Variants in FAM161B observed in about 807,000 individuals in gnomAD.
The protein encoded by FAM161B is protein FAM161B.
FAM161B carries 46 observed loss-of-function variants against 61.5 expected under a neutral mutation model. The observed-to-expected ratio is 0.75, with a 90% CI of 0.59 to 0.96. The LOEUF is 0.96. FAM161B is among the 40% of genes least tolerant of loss of function. FAM161B has a pLI of 0.00. For missense variants in FAM161B, 774 were observed against 800.7 expected (o/e 0.97, Z 0.40); for synonymous variants, 284 against 302.7 (o/e 0.94, Z 0.64).
chr14:73,949,703 CTCTT>C, intron 1 of FAM161B, among the ~76,000 whole-genome samples: 1 of 55,872 alleles, frequency 1.8e-5, no homozygotes, highest in Non-Finnish European at 5.4e-5. Context: ...CCTCAGTTTT[CTCTT>C]CTACAAAAAT....
chr14:73,938,242 T>C, intron 5 of FAM161B, 130 bp from the exon 6 acceptor site: 1 of 1,012,200 alleles, frequency 9.9e-7, no homozygotes, highest in Non-Finnish European at 1.4e-6. Flanking sequence ...GTGGATCACC[T>C]GAGGTCAGGA....
At chr14:73,945,803 G>A (rs544146638) in intron 2 of FAM161B, among the ~76,000 whole-genome samples, 8 of 152,006 alleles carry the variant, frequency 5.3e-5, no homozygotes, top group Admixed American at 1.3e-4. Context: ...GTGCAGTGGC[G>A]TGATCTCAGC....
chr14:73,931,401 T>G (rs2055912637), downstream of FAM161B: 40 of 970,892 alleles, frequency 4.1e-5, 1 homozygote, highest in South Asian at 5.7e-4. Context: ...TTCACCCCTG[T>G]AGTGCATTCT....
chr14:73,945,678 C>G (rs942779083), intron 2 of FAM161B, among the ~76,000 whole-genome samples: 1 of 151,686 alleles, frequency 6.6e-6, no homozygotes, highest in South Asian at 2.1e-4. Flanking sequence ...ATCCAGCCAC[C>G]TCGGCTTCCC....
rs1300985864 is a variant in FAM161B at position 73,933,015 on chromosome 14, C to T, written c.*1241G>A. 6.5e-6 allele frequency: 1 copy of T among 154,420 alleles called. No homozygotes were observed. Among genetic ancestry groups the T allele is most frequent in the Non-Finnish European group, 1.4e-5 (1 of 69,468 alleles). The allele number at this position is 154,420 out of a possible 1,614,324, so 9.6% of individuals were successfully genotyped here. A position where few individuals can be genotyped will look rare whatever the true frequency, so the allele number is the denominator to read the frequency against. On this transcript the variant is annotated 3_prime_UTR_variant, in exon 9 of 9. Transcript: ENST00000286544. ...GGTTGTCTGGGAAATTTTAAGTTTACTTAAAATGAACCTCATGCTCACATA... is the reference window on the plus strand; with the variant it reads ...GGTTGTCTGGGAAATTTTAAGTTTATTTAAAATGAACCTCATGCTCACATA...
At chr14:73,934,603 A>ATTTTT (rs778237371) in intron 8 of FAM161B, among the ~76,000 whole-genome samples, 2 of 141,336 alleles carry the variant, frequency 1.4e-5, no homozygotes, top group Admixed American at 1.4e-4. Context: ...CACCCAGCTA[A>ATTTTT]TTTTTTTTTT....
At chr14:73,944,200 A>T in intron 3 of FAM161B, 135 bp downstream of exon 3, 1 of 1,361,238 alleles carries the variant, frequency 7.3e-7, no homozygotes, top group Non-Finnish European at 1.0e-6. Flanking sequence ...GGCCTGCACT[A>T]AGCGTGCAGC....
chr14:73,923,663 C>A, the FAM161B span: 1 of 1,168,882 alleles, frequency 8.6e-7, no homozygotes, highest in Non-Finnish European at 1.2e-6. Context: ...AGCATGAGTT[C>A]AGCTTGAAAG....
intron 8 of FAM161B, among the ~76,000 whole-genome samples, chr14:73,935,070 A>AG (rs2055959807): frequency 6.7e-6 from 1 of 150,118 alleles, no homozygotes. Context: ...TCAAAAAAAA[A>AG]AGTCTCAACA....
chr14:73,937,680 C>T lies in FAM161B; in HGVS notation c.1587G>A (p.Ala529=), dbSNP rs140643345. Residue 529 remains alanine (A), a synonymous_variant, in exon 7 of 9, where the codon GCG becomes GCA. Coordinates refer to ENST00000286544, the MANE Select transcript of FAM161B (RefSeq NM_152445.3). ...CCTCCAGTTCTTTCTTATATTCTTT[C>T]GCTCTTTTACGGTCATTGTTCCTGG... The part of the protein sequence containing the change: ...KENRNNDRKR[A]KEYKKELEEM... The T allele has an allele frequency of 3.0e-5, 48 of 1,613,890 alleles. No homozygotes were observed. The highest frequency in any genetic ancestry group is 2.3e-4 in the African/African-American group (17 of 74,884).
At chr14:73,926,142 T>TCA in the FAM161B span, among the ~76,000 whole-genome samples, 1 of 152,232 alleles carries the variant, frequency 6.6e-6, no homozygotes, top group Non-Finnish European at 1.5e-5. Flanking sequence ...TGTAGGCATG[T>TCA]CATTTCTTCT....
chr14:73,930,062 A>G (rs2055889016), downstream of FAM161B, among the ~76,000 whole-genome samples: 1 of 152,204 alleles, frequency 6.6e-6, no homozygotes, highest in South Asian at 2.1e-4. Flanking sequence ...GAACCAGTAT[A>G]AGAGATTCCC....
chr14:73,946,361 T>A lies in FAM161B; in HGVS notation c.299A>T (p.Asp100Val), dbSNP rs2056066563. 1 of 1,614,042 alleles carries A rather than the reference T, an allele frequency of 6.2e-7. No homozygotes were observed. Among genetic ancestry groups the A allele is most frequent in the Admixed American group, 1.7e-5 (1 of 59,998 alleles). Residue 100 changes from aspartate (D) to valine (V), a missense_variant, in exon 2 of 9, where the codon GAT becomes GTT. Coordinates refer to ENST00000286544, the MANE Select transcript of FAM161B (RefSeq NM_152445.3). The part of the protein sequence containing the change: ...DPESDENLSE[D>V]EEDLESFFQD... ...GAAGAAACTCTCCAGGTCCTCCTCATCTTCAGAGAGGTTTTCATCACTCTC... is the reference window on the plus strand; with the variant it reads ...GAAGAAACTCTCCAGGTCCTCCTCAACTTCAGAGAGGTTTTCATCACTCTC...
the FAM161B span, chr14:73,922,987 G>A: frequency 6.5e-6 from 1 of 152,926 alleles, no homozygotes; most frequent in African/African-American, 2.4e-5. Context: ...TGATCCCACT[G>A]ATGAACATTT....
At position 73,944,687 on chromosome 14, in the gene FAM161B, T is replaced by G. The variant is rs761789856; in HGVS notation, c.573A>C (p.Ser191=). The change falls in exon 3 of 9, where the codon TCA becomes TCC. Residue 191 remains serine, a synonymous_variant. Coordinates refer to ENST00000286544, the MANE Select transcript of FAM161B (RefSeq NM_152445.3). Reference sequence around the variant, plus strand: ...GCCTCTCCTGCTCAAAGGAGGCAGGTGAGCCCAGCCACTCGGCCTTCTTCC... The same window carrying G: ...GCCTCTCCTGCTCAAAGGAGGCAGGGGAGCCCAGCCACTCGGCCTTCTTCC... ...EARKKAEWLG[S]PASFEQERQR... is the part of the protein sequence containing the mutation. 4.4e-6 allele frequency: 7 copies of G among 1,609,090 alleles called. 1 individual carries two copies. In the South Asian group the frequency reaches 7.7e-5, roughly 18 times the overall value.
At chr14:73,943,702 T>C (rs1005564) in intron 3 of FAM161B, among the ~76,000 whole-genome samples, 98,322 of 151,990 alleles carry the variant, frequency 0.65, 32,025 homozygotes, top group South Asian at 0.72. Flanking sequence ...TTAGGTCCCT[T>C]TGATATATGC....
chr14:73,926,419 TTTTTG>T, the FAM161B span, among the ~76,000 whole-genome samples: 1 of 151,850 alleles, frequency 6.6e-6, no homozygotes, highest in East Asian at 1.9e-4. Context: ...GGAACTGGGT[TTTTTG>T]TTTTGTTTTG....
At chr14:73,929,887 A>G (rs1692856294), downstream of FAM161B, among the ~76,000 whole-genome samples, 1 of 152,076 alleles carries the variant, frequency 6.6e-6, no homozygotes, top group Non-Finnish European at 1.5e-5. Flanking sequence ...GTTCAGGTGG[A>G]CAATCTCTAT....
the FAM161B span, chr14:73,924,961 G>T: frequency 3.6e-6 from 1 of 277,376 alleles, no homozygotes; most frequent in Non-Finnish European, 7.1e-6. Context: ...ACAGGCGTGA[G>T]CCACTGCACC....
Sources: allele counts gnomAD v4.1 joint callset (sites outside exome capture counted in the v4.1 genomes callset), GRCh38; gene constraint gnomAD v4.1.1; transcripts MANE v1.5; gene names NCBI Gene and HGNC (gene_info 2026-07-23, HGNC 2026-07-21).